Variants in RELN observed in about 807,000 individuals in gnomAD.
The protein encoded by RELN is reelin.
RELN carries 108 observed loss-of-function variants against 427.6 expected under a neutral mutation model. The observed-to-expected ratio is 0.25, with a 90% confidence interval of 0.22 to 0.30. RELN has a LOEUF of 0.30. RELN is among the 10% of genes least tolerant of loss of function. RELN has a pLI of 1.00. For synonymous variants in RELN, 1,524 were observed against 1,513.4 expected, an observed-to-expected ratio of 1.01 and a Z score of -0.16; for missense variants, 3,715 against 4,302.8, an observed-to-expected ratio of 0.86 and a Z score of 3.82.
At chr7:103,834,008 G>A (rs559072000) in intron 2 of RELN, among the ~76,000 whole-genome samples, 141 of 152,280 alleles carry the variant, frequency 9.3e-4, no homozygotes, top group African/African-American at 3.2e-3. Context: ...CAGCAAGGGA[G>A]ACCAAACGCC....
At chr7:103,883,493 GTC>G (rs1445845344) in intron 2 of RELN, among the ~76,000 whole-genome samples, 1 of 152,170 alleles carries the variant, frequency 6.6e-6, no homozygotes, top group African/African-American at 2.4e-5. Context: ...AAGTCAAACT[GTC>G]TCTGTTTGCA....
At chr7:103,594,105 C>T (rs111257529) in intron 26 of RELN, among the ~76,000 whole-genome samples, 138 of 152,204 alleles carry the variant, frequency 9.1e-4, no homozygotes, top group African/African-American at 3.2e-3. Flanking sequence ...AACACACTAA[C>T]GATTTTGCTT....
At chr7:103,884,606 T>A (rs1216777335) in intron 2 of RELN, among the ~76,000 whole-genome samples, 2 of 151,882 alleles carry the variant, frequency 1.3e-5, no homozygotes, top group Admixed American at 6.6e-5. Context: ...AACCACCCCA[T>A]CAAAAAGTGG....
In RELN at chr7:103,678,317, G is replaced by T. The variant is rs111423599; in HGVS notation, c.1289+3799C>A. Reference sequence around the variant, plus strand: ...GAGATGTGGTAGCTGCTAATTAAATGATGTGTTTGTAAGGTTAAGCCAAAG... The same window carrying T: ...GAGATGTGGTAGCTGCTAATTAAATTATGTGTTTGTAAGGTTAAGCCAAAG... On this transcript the variant is annotated intron_variant, in intron 11 of 64. Coordinates refer to ENST00000428762, the MANE Select transcript of RELN (RefSeq NM_005045.4). Among the ~76,000 whole-genome samples, 3 of 152,256 alleles carry T rather than the reference G, an allele frequency of 2.0e-5. 1 individual carries two copies. The highest frequency in any genetic ancestry group is 7.2e-5 in the African/African-American group (3 of 41,570).
chr7:103,833,200 C>A (rs1793317373), intron 3 of RELN, among the ~76,000 whole-genome samples: 1 of 152,028 alleles, frequency 6.6e-6, no homozygotes, highest in African/African-American at 2.4e-5. Context: ...AAATTTACTT[C>A]TCCTAACTGA....
intron 10 of RELN, among the ~76,000 whole-genome samples, chr7:103,694,754 G>A (rs1833942238): frequency 6.6e-6 from 1 of 151,700 alleles, no homozygotes; most frequent in African/African-American, 2.4e-5. Flanking sequence ...TGAAGTCCTG[G>A]GCTCAAGCAA....
At chr7:103,498,040 T>C in intron 54 of RELN, 37 bp downstream of exon 54, 1 of 1,608,434 alleles carries the variant, frequency 6.2e-7, no homozygotes, top group Non-Finnish European at 8.5e-7. Context: ...CAATTTGCTA[T>C]GGTGCAATAG....
rs150916498 is a variant in RELN, at chr7:103,938,261, A to G, written c.227-21076T>C. On this transcript the variant is annotated intron_variant, in intron 1 of 64. Coordinates refer to ENST00000428762, the MANE Select transcript of RELN (RefSeq NM_005045.4). ...CTTGAACCCAGGAGGTGGAGGTTGC[A>G]GTGAGCCGAGATTGCGCCATTGCAC... Among the ~76,000 whole-genome samples the G allele has an allele frequency of 1.4e-3, 220 of 152,254 alleles. 2 individuals are homozygous for G. The East Asian group carries it at 0.031, about 21-fold the overall frequency.
At chr7:103,926,627 G>GTTTTTTTTTTTTTTTTTTT (rs60259062) in intron 1 of RELN, among the ~76,000 whole-genome samples, 4 of 99,460 alleles carry the variant, frequency 4.0e-5, no homozygotes, top group African/African-American at 1.1e-4. Context: ...AGTATCATAA[G>GTTTTTTTTTTTTTTTTTTT]TTTTTTTTTT....
chr7:103,728,150 A>G lies in RELN; in HGVS notation c.714T>C (p.Asn238=). The G allele has an allele frequency of 6.2e-7, 1 of 1,613,904 alleles. No individual in the cohort carries two copies. The change falls in exon 7 of 65, where the codon AAT becomes AAC. Residue 238 remains asparagine, a synonymous_variant. Coordinates refer to ENST00000428762, the MANE Select transcript of RELN (RefSeq NM_005045.4). Reference sequence around the variant, plus strand: ...CATATGGTTCACAGAAGGTGACGGCATTGCCATGCATAATCGCGCCACACT... The same window carrying G: ...CATATGGTTCACAGAAGGTGACGGCGTTGCCATGCATAATCGCGCCACACT... ...GEQCGAIMHG[N]AVTFCEPYGP...
At position 103,539,309 on chromosome 7, in the gene RELN, T is replaced by C. The variant is rs1830124974; in HGVS notation, c.6949A>G (p.Ile2317Val). The change falls in exon 45 of 65, where the codon ATT becomes GTT. Residue 2317 changes from isoleucine (I) to valine (V), a missense_variant. Transcript: ENST00000428762. ...VIDQILIGGN[I>V]SGNTVLEDDF... ...TCTTCCAAGACCGTATTACCAGAAATATTTCCTCCAATAAGAATCTGAAAT... is the reference window on the plus strand; with the variant it reads ...TCTTCCAAGACCGTATTACCAGAAACATTTCCTCCAATAAGAATCTGAAAT... The C allele has an allele frequency of 6.2e-7, 1 of 1,613,988 alleles. No individual in the cohort carries two copies. Among genetic ancestry groups the C allele is most frequent in the South Asian group, 1.1e-5 (1 of 91,090 alleles).
intron 22 of RELN, among the ~76,000 whole-genome samples, chr7:103,607,641 T>C (rs1295147248): frequency 6.6e-6 from 1 of 152,214 alleles, no homozygotes; most frequent in Non-Finnish European, 1.5e-5. Flanking sequence ...GACTCCTTTA[T>C]TTGATTTTTC....
chr7:103,737,145 T>C (rs1403620464), intron 6 of RELN, among the ~76,000 whole-genome samples: 2 of 152,170 alleles, frequency 1.3e-5, no homozygotes, highest in African/African-American at 2.4e-5. Flanking sequence ...TGCACAGATA[T>C]ACGAGAGGTT....
At position 103,519,418 on chromosome 7, in the gene RELN, G is replaced by A; in HGVS notation, c.7767C>T (p.Asn2589=). The stretch of plus-strand genomic sequence containing the variant: ...ATTCCAAGAGAACACCTTGGTTACG[G>A]TTGTTTGGTGTAATCAGGCACCCAT... ...FMYGCLITPN[N]RNQGVLLEYS... is the part of the protein sequence containing the mutation. The change falls in exon 49 of 65, where the codon AAC becomes AAT. Residue 2589 remains asparagine, a synonymous_variant. Transcript: ENST00000428762. 6.2e-7 allele frequency: 1 copy of A among 1,613,484 alleles called. No homozygotes were observed. The highest frequency in any genetic ancestry group is 1.1e-5 in the South Asian group (1 of 91,068).
intron 3 of RELN, among the ~76,000 whole-genome samples, chr7:103,786,079 T>C (rs576262827): frequency 6.6e-6 from 1 of 152,092 alleles, no homozygotes; most frequent in South Asian, 2.1e-4. Flanking sequence ...TACATACAAG[T>C]GTTGCTTTGA....
intron 9 of RELN, among the ~76,000 whole-genome samples, chr7:103,700,132 A>G (rs1347273916): frequency 6.6e-6 from 1 of 152,114 alleles, no homozygotes; most frequent in Non-Finnish European, 1.5e-5. Flanking sequence ...ATTCTACTTA[A>G]GTTATGCTAA....
chr7:103,806,331 T>G (rs1403146716), intron 3 of RELN, among the ~76,000 whole-genome samples: 1 of 152,056 alleles, frequency 6.6e-6, no homozygotes, highest in African/African-American at 2.4e-5. Context: ...TTCTTTCTTT[T>G]TTCTTTTTTT....
At chr7:103,960,959 T>C (rs1395900772) in intron 1 of RELN, among the ~76,000 whole-genome samples, 2 of 152,246 alleles carry the variant, frequency 1.3e-5, no homozygotes, top group Non-Finnish European at 2.9e-5. Flanking sequence ...GGATAGCTGG[T>C]GTTTTTTGAA....
chr7:103,626,780 C>A lies in RELN; in HGVS notation c.2702+3160G>T, dbSNP rs894813168. Among the ~76,000 whole-genome samples, 4 of 152,036 alleles carry A rather than the reference C, an allele frequency of 2.6e-5. No individual in the cohort carries two copies. The highest frequency in any genetic ancestry group is 9.7e-5 in the African/African-American group (4 of 41,398). On this transcript the variant is annotated intron_variant, in intron 20 of 64. Transcript: ENST00000428762. This position sits in a 1 kb window ranked among gnomAD's most constrained non-coding sequence, Gnocchi z 4.4. ...GTATTATCACTAATAGTATTAGATG[C>A]AATATTTAATAAACTTCAATTAGAA...
Sources: allele counts gnomAD v4.1 joint callset (sites outside exome capture counted in the v4.1 genomes callset), GRCh38; gene constraint gnomAD v4.1.1; non-coding constraint Gnocchi (gnomAD v3.1); transcripts MANE v1.5; gene names NCBI Gene and HGNC (gene_info 2026-07-23, HGNC 2026-07-21).